Variants in GPI observed in about 807,000 individuals in gnomAD.
The protein encoded by GPI is glucose-6-phosphate isomerase.
Under a neutral mutation model 75.8 loss-of-function variants are expected in GPI, and 56 were observed. The ratio of observed to expected loss-of-function variants is 0.74; its 90% CI spans 0.60 to 0.92. The LOEUF (loss-of-function observed/expected upper bound fraction) is 0.92. Ranked by LOEUF, GPI falls within the 40% of genes least tolerant of loss-of-function variation. The pLI is 0.00. For synonymous variants in GPI, 288 were observed against 285.4 expected (o/e 1.01, Z -0.09); for missense variants, 638 against 741.0 (o/e 0.86, Z 1.61).
chr19:34,371,004 T>A (rs186784056), intron 4 of GPI, among the ~76,000 whole-genome samples: 4 of 152,324 alleles, frequency 2.6e-5, no homozygotes, highest in Non-Finnish European at 5.9e-5. Flanking sequence ...TCTTTGGGTG[T>A]GTGGCGGGGC....
rs1568347355 is a variant in GPI, at chr19:34,393,755, CG to C, written c.898del (p.Ala300LeufsTer102). On this transcript the variant is annotated frameshift_variant, in exon 11 of 18. Coordinates refer to ENST00000356487, the MANE Select transcript of GPI (RefSeq NM_000175.5). LOFTEE classifies it high-confidence loss of function. The surrounding 1 kb of genome is among the most constrained non-coding windows in gnomAD (Gnocchi z 4.4). ...TTTGACAACTTCGAGCAGCTGCTCTCGGGGGCTCACTGGATGGTGAGTGCTG... is the reference window on the plus strand; with the variant it reads ...TTTGACAACTTCGAGCAGCTGCTCTCGGGGCTCACTGGATGGTGAGTGCTG... ...VGFDNFEQLL[S>X]GAHWMDQHFR... 1 of 1,613,278 alleles carries C rather than the reference CG, an allele frequency of 6.2e-7. No individual in the cohort carries two copies.
At chr19:34,365,109 G>T, upstream of GPI, 5 of 1,395,210 alleles carry the variant, frequency 3.6e-6, no homozygotes, top group Non-Finnish European at 4.7e-6. Context: ...GCGCGGGTCG[G>T]GGGCGGGGCC....
At chr19:34,397,698 G>C (rs2074965380) in intron 14 of GPI, 1 of 151,804 alleles carries the variant, frequency 6.6e-6, no homozygotes, top group Admixed American at 6.6e-5. Context: ...GTAGAGGCCA[G>C]ATTTCACTAT....
chr19:34,374,646 G>A (rs4806015), intron 4 of GPI, among the ~76,000 whole-genome samples: 49,655 of 151,916 alleles, frequency 0.33, 11,443 homozygotes, highest in African/African-American at 0.65. Flanking sequence ...CACACACCCA[G>A]CATACAATGG....
chr19:34,395,881 A>G (rs370401188), intron 12 of GPI, among the ~76,000 whole-genome samples: 6 of 149,364 alleles, frequency 4.0e-5, no homozygotes, highest in African/African-American at 1.2e-4. Flanking sequence ...AAGGATCAAG[A>G]CTTGCAGGAA....
At position 34,402,323 on chromosome 19, in the gene GPI, C is replaced by G. The variant is rs930548888; in HGVS notation, c.*2287C>G. Reference sequence around the variant, plus strand: ...GGAAACCTCTAAAGGGTACTTAAACCCCAGATTTTCTACACAGGGCACTTG... The same window carrying G: ...GGAAACCTCTAAAGGGTACTTAAACGCCAGATTTTCTACACAGGGCACTTG... On this transcript the variant is annotated 3_prime_UTR_variant, in exon 18 of 18. Transcript: ENST00000356487. The G allele has an allele frequency of 4.6e-5, 7 of 152,044 alleles. No homozygotes were observed. Among genetic ancestry groups the G allele is most frequent in the African/African-American group, 1.7e-4 (7 of 41,402 alleles). The allele number at this position is 152,044 out of a possible 1,614,324, so 9.4% of individuals were successfully genotyped here. A position where few individuals can be genotyped will look rare whatever the true frequency, so the allele number is the denominator to read the frequency against.
chr19:34,364,990 G>T, upstream of GPI: 1 of 1,532,610 alleles, frequency 6.5e-7, no homozygotes, highest in Non-Finnish European at 8.7e-7. Flanking sequence ...CCACTTCCGG[G>T]CAGAGGCCAG....
chr19:34,375,428 G>A (rs557074664), intron 4 of GPI, among the ~76,000 whole-genome samples: 123 of 152,230 alleles, frequency 8.1e-4, no homozygotes, highest in Non-Finnish European at 1.5e-3. Context: ...GATTACAGGT[G>A]TGAGCCACCA....
At chr19:34,395,874 G>A (rs1253293065) in intron 12 of GPI, among the ~76,000 whole-genome samples, 3 of 151,940 alleles carry the variant, frequency 2.0e-5, no homozygotes, top group Admixed American at 2.0e-4. Context: ...GTGTGTGAAG[G>A]ATCAAGACTT....
chr19:34,378,995 C>T lies in GPI; in HGVS notation c.695C>T (p.Ala232Val), dbSNP rs199742342. Reference sequence around the variant, plus strand: ...ACGGCGAAGGAGTGGTTTCTCCAGGCGGCCAAGGATGTGAGTGGGCTATAG... The same window carrying T: ...ACGGCGAAGGAGTGGTTTCTCCAGGTGGCCAAGGATGTGAGTGGGCTATAG... ...AETAKEWFLQ[A>V]AKDPSAVAKH... The change falls in exon 7 of 18, where the codon GCG becomes GTG. Residue 232 changes from alanine (A) to valine (V), a missense_variant. By Grantham distance (64) the Ala-to-Val change is moderately conservative. Transcript: ENST00000356487. 5.3e-5 allele frequency: 85 copies of T among 1,613,822 alleles called. No homozygotes were observed. The highest frequency in any genetic ancestry group is 1.3e-4 in the East Asian group (6 of 44,904).
rs1011413313 is a variant in GPI, at chr19:34,366,032, A to T, written c.123-313A>T. 6.7e-6 allele frequency: 4 copies of T among 600,130 alleles called. No homozygotes were observed. In the East Asian group the frequency reaches 1.4e-4, roughly 22 times the overall value. The allele number at this position is 600,130 out of a possible 1,614,324, so 37.2% of individuals were successfully genotyped here. On this transcript the variant is annotated intron_variant, in intron 1 of 17. Coordinates refer to ENST00000356487, the MANE Select transcript of GPI (RefSeq NM_000175.5). Reference sequence around the variant, plus strand: ...CCCGATGGCCATCCCTGTCATCTGGATGGGTGCCTGAGTAACTTACGGCAG... The same window carrying T: ...CCCGATGGCCATCCCTGTCATCTGGTTGGGTGCCTGAGTAACTTACGGCAG...
rs1441387228 is a variant in GPI at position 34,401,253 on chromosome 19, T to C, written c.*1217T>C. The C allele has an allele frequency of 6.6e-6, 1 of 151,972 alleles. No individual in the cohort carries two copies. The highest frequency in any genetic ancestry group is 1.5e-5 in the Non-Finnish European group (1 of 68,078). The allele number at this position is 151,972 out of a possible 1,614,324, so 9.4% of individuals were successfully genotyped here. A position where few individuals can be genotyped will look rare whatever the true frequency, so the allele number is the denominator to read the frequency against. ...TTTTTTTTGAGACGGAGTCTCGCTCTGTCGCCCAAGCTGGAGTGCAGTAGC... is the reference window on the plus strand; with the variant it reads ...TTTTTTTTGAGACGGAGTCTCGCTCCGTCGCCCAAGCTGGAGTGCAGTAGC... On this transcript the variant is annotated 3_prime_UTR_variant, in exon 18 of 18. Transcript: ENST00000356487.
Position 34,377,323 on chromosome 19 carries a change from AAAAAAAAAAAAAAAT to A in GPI, c.403-178_403-164del, listed in dbSNP as rs1568333134. 6.1e-5 allele frequency among the ~76,000 whole-genome samples: 6 copies of A among 98,112 alleles called. 1 individual carries two copies. The East Asian group carries it at 9.8e-4, about 16-fold the overall frequency. 64.4% of individuals were successfully genotyped at this position (98,112 alleles called of 152,430 possible). On this transcript the variant is annotated intron_variant, in intron 4 of 17. Transcript: ENST00000356487. ...TCTCAAAAAAAAAAAAAAAAAAAAA[AAAAAAAAAAAAAAAT>A]ATATATATATATATATATATGGTAA...
At chr19:34,388,612 A>T (rs777298226) in intron 9 of GPI, among the ~76,000 whole-genome samples, 3 of 152,216 alleles carry the variant, frequency 2.0e-5, no homozygotes, top group Non-Finnish European at 4.4e-5. Flanking sequence ...ATGGTCTCAG[A>T]GGCCACTGCA....
chr19:34,383,113 G>A (rs2145380583), intron 9 of GPI, among the ~76,000 whole-genome samples: 1 of 152,270 alleles, frequency 6.6e-6, no homozygotes, highest in Non-Finnish European at 1.5e-5. Context: ...GTCCGCCAGG[G>A]CCAGTTTTGC....
At chr19:34,360,470 A>G (rs928631483), upstream of GPI, among the ~76,000 whole-genome samples, 1 of 152,116 alleles carries the variant, frequency 6.6e-6, no homozygotes, top group Non-Finnish European at 1.5e-5. Flanking sequence ...CGGGGTGGTC[A>G]TGCCTGTAGT....
intron 9 of GPI, among the ~76,000 whole-genome samples, chr19:34,389,062 C>T (rs1374517576): frequency 1.3e-5 from 2 of 151,738 alleles, no homozygotes; most frequent in African/African-American, 2.4e-5. Context: ...CACTGCACTC[C>T]ACCTGGGCAA....
At chr19:34,371,921 G>C (rs567261236) in intron 4 of GPI, among the ~76,000 whole-genome samples, 70 of 151,356 alleles carry the variant, frequency 4.6e-4, no homozygotes, top group African/African-American at 1.7e-3. Flanking sequence ...TTTGACAGTC[G>C]GGAAAGGAGA....
At position 34,393,926 on chromosome 19, in the gene GPI, C is replaced by T. The variant is rs752589151; in HGVS notation, c.922C>T (p.Arg308Cys). Reference sequence around the variant, plus strand: ...GCTCCTGTTTCAGGACCAGCACTTCCGCACGACGCCCCTGGAGAAGAACGC... The same window carrying T: ...GCTCCTGTTTCAGGACCAGCACTTCTGCACGACGCCCCTGGAGAAGAACGC... ...SGAHWMDQHF[R>C]TTPLEKNAPV... The change falls in exon 12 of 18, where the codon CGC (arginine) becomes TGC (cysteine). Residue 308 changes from arginine to cysteine, a missense_variant. By Grantham distance (180) the Arg-to-Cys change is radical. Coordinates refer to ENST00000356487, the MANE Select transcript of GPI (RefSeq NM_000175.5). The surrounding 1 kb of genome is among the most constrained non-coding windows in gnomAD (Gnocchi z 4.4). 1.1e-5 allele frequency: 17 copies of T among 1,613,558 alleles called. No homozygotes were observed. Among genetic ancestry groups the T allele is most frequent in the Admixed American group, 6.7e-5 (4 of 59,982 alleles).
Sources: gnomAD v4.1 joint callset for allele counts (sites outside exome capture counted in the v4.1 genomes callset) on GRCh38, gnomAD v4.1.1 for gene constraint, Gnocchi (gnomAD v3.1) non-coding constraint, MANE v1.5 for transcripts, NCBI Gene and HGNC (gene_info 2026-07-23, HGNC 2026-07-21) for gene names.